The following FGF2 variants were observed in gnomAD, a reference collection of about 807,000 sequenced individuals.
The protein encoded by FGF2 is fibroblast growth factor 2.
FGF2 carries 13 observed loss-of-function variants against 15.9 expected under a neutral mutation model. The observed-to-expected ratio is 0.82, with a 90% CI of 0.53 to 1.30. The LOEUF (loss-of-function observed/expected upper bound fraction) is 1.30. FGF2 is among the 50% of genes most tolerant of loss of function. The pLI is 0.00. For synonymous variants in FGF2, 90 were observed against 78.4 expected (o/e 1.15, Z -0.78); for missense variants, 163 against 196.9 (o/e 0.83, Z 1.03).
At chr4:122,844,515 TTTTC>T (rs1203215959) in intron 1 of FGF2, among the ~76,000 whole-genome samples, 5 of 151,982 alleles carry the variant, frequency 3.3e-5, no homozygotes, top group South Asian at 2.1e-4. Flanking sequence ...TTCCAGAAGG[TTTTC>T]TTTCTTTCTT....
chr4:122,893,227 T>G lies in FGF2; in HGVS notation c.*831T>G. 1 of 1,587,422 alleles carries G rather than the reference T, an allele frequency of 6.3e-7. No individual in the cohort carries two copies. The highest frequency in any genetic ancestry group is 1.4e-5 in the African/African-American group (1 of 73,692). On this transcript the variant is annotated 3_prime_UTR_variant, in exon 3 of 3. Transcript: ENST00000644866. ...AAACTTCTCGAACCGCTGTGTCTCC[T>G]ACGTAAAAAAAGAGATGTACAAATC... is the stretch of plus-strand genomic sequence containing the variant.
chr4:122,834,461 A>C (rs1039821845), intron 1 of FGF2, among the ~76,000 whole-genome samples: 16 of 152,136 alleles, frequency 1.1e-4, no homozygotes, highest in Non-Finnish European at 2.2e-4. Context: ...TATTCCACTT[A>C]AATCATTCTT....
intron 1 of FGF2, among the ~76,000 whole-genome samples, chr4:122,846,398 T>C (rs976015862): frequency 1.3e-5 from 2 of 152,238 alleles, no homozygotes; most frequent in Admixed American, 1.3e-4. Flanking sequence ...CTTTAATTTT[T>C]AAAAATCATA....
rs1202994298 is a variant in FGF2, at chr4:122,838,880, A to G, written c.178+11528A>G. ...TGAATACCATACAGCCATGCACTGC[A>G]TCATGATGTTTCGGTTAATTGCAGA... On this transcript the variant is annotated intron_variant, in intron 1 of 2. Coordinates refer to ENST00000644866, the MANE Select transcript of FGF2 (RefSeq NM_001361665.2). 2.6e-5 allele frequency among the ~76,000 whole-genome samples: 4 copies of G among 152,238 alleles called. No individual in the cohort carries two copies. In the East Asian group the frequency reaches 7.7e-4, roughly 29 times the overall value.
intron 1 of FGF2, among the ~76,000 whole-genome samples, chr4:122,836,124 AG>A (rs1202969521): frequency 6.6e-6 from 1 of 152,182 alleles, no homozygotes; most frequent in East Asian, 1.9e-4. Context: ...TGTAATAGTT[AG>A]TGGTTTATGT....
intron 1 of FGF2, among the ~76,000 whole-genome samples, chr4:122,867,920 A>G (rs1435201794): frequency 1.3e-5 from 2 of 152,236 alleles, no homozygotes; most frequent in East Asian, 1.9e-4. Context: ...ATTGTCAGAT[A>G]TTAATATAGC....
At chr4:122,848,271 A>T (rs1054320427) in intron 1 of FGF2, among the ~76,000 whole-genome samples, 2 of 152,208 alleles carry the variant, frequency 1.3e-5, no homozygotes, top group Non-Finnish European at 2.9e-5. Flanking sequence ...AGTGCCTTCC[A>T]GGGGCACATG....
chr4:122,840,097 G>A (rs1308212728), intron 1 of FGF2, among the ~76,000 whole-genome samples: 4 of 152,070 alleles, frequency 2.6e-5, no homozygotes, highest in Non-Finnish European at 5.9e-5. Context: ...TCATTTTAAC[G>A]TAATCACATC....
chr4:122,847,380 A>G (rs748637090), intron 1 of FGF2, among the ~76,000 whole-genome samples: 5 of 152,156 alleles, frequency 3.3e-5, no homozygotes, highest in Non-Finnish European at 5.9e-5. Flanking sequence ...TGGGAGTGCT[A>G]CAGGTGTATC....
intron 1 of FGF2, among the ~76,000 whole-genome samples, chr4:122,842,965 T>G (rs190111693): frequency 4.9e-4 from 74 of 152,292 alleles, no homozygotes; most frequent in African/African-American, 1.7e-3. Context: ...ATATATTGAT[T>G]AATTTGCTAT....
rs1366259302 is a variant in FGF2, at chr4:122,894,073, C to A, written c.*1677C>A. 1 of 152,206 alleles carries A rather than the reference C, an allele frequency of 6.6e-6. No individual in the cohort carries two copies. Among genetic ancestry groups the A allele is most frequent in the African/African-American group, 2.4e-5 (1 of 41,454 alleles). 9.4% of individuals were successfully genotyped at this position (152,206 alleles called of 1,614,324 possible). On this transcript the variant is annotated 3_prime_UTR_variant, in exon 3 of 3. Transcript: ENST00000644866. ...GAAGTCACAGAAACATGTCTCAATT[C>A]CCATGTGCTGTGACTGTAGACTGTC...
At chr4:122,881,088 AG>A (rs1370337399) in intron 2 of FGF2, among the ~76,000 whole-genome samples, 1 of 152,206 alleles carries the variant, frequency 6.6e-6, no homozygotes, top group Non-Finnish European at 1.5e-5. Context: ...TTTTAGTCAC[AG>A]CTGGAGCAGC....
intron 2 of FGF2, among the ~76,000 whole-genome samples, chr4:122,888,022 A>T (rs1346385322): frequency 6.6e-6 from 1 of 152,220 alleles, no homozygotes; most frequent in East Asian, 1.9e-4. Context: ...GTGCTCAGTA[A>T]ATACTGTCTC....
intron 1 of FGF2, among the ~76,000 whole-genome samples, chr4:122,870,169 C>G (rs755404526): frequency 6.6e-6 from 1 of 152,178 alleles, no homozygotes; most frequent in Non-Finnish European, 1.5e-5. Flanking sequence ...AGCCTTGCAT[C>G]CCAGGGATGA....
chr4:122,854,088 G>A (rs1016045218), intron 1 of FGF2, among the ~76,000 whole-genome samples: 3 of 152,168 alleles, frequency 2.0e-5, no homozygotes, highest in African/African-American at 4.8e-5. Flanking sequence ...CTAGGAACAT[G>A]GGGAAAAGCC....
At chr4:122,885,509 C>A (rs554243941) in intron 2 of FGF2, among the ~76,000 whole-genome samples, 2 of 152,190 alleles carry the variant, frequency 1.3e-5, no homozygotes, top group East Asian at 3.9e-4. Flanking sequence ...TGTGATGGTA[C>A]TTGTAGCCCT....
rs574323747 is a variant in FGF2, at chr4:122,890,087, T to C, written c.283-2124T>C. 9.2e-5 allele frequency: 14 copies of C among 152,268 alleles called. No individual in the cohort carries two copies. In the South Asian group the frequency reaches 2.9e-3, roughly 32 times the overall value. The allele number at this position is 152,268 out of a possible 1,614,324, so 9.4% of individuals were successfully genotyped here. A position where few individuals can be genotyped will look rare whatever the true frequency, so the allele number is the denominator to read the frequency against. On this transcript the variant is annotated intron_variant, in intron 2 of 2. Coordinates refer to ENST00000644866, the MANE Select transcript of FGF2 (RefSeq NM_001361665.2). ...CTGCTTCTATTCTTGATCATAAACCTGGAATAGAGAAAAGGGAAGATTTTT... is the reference window on the plus strand; with the variant it reads ...CTGCTTCTATTCTTGATCATAAACCCGGAATAGAGAAAAGGGAAGATTTTT...
At chr4:122,868,198 C>T (rs1726645855) in intron 1 of FGF2, among the ~76,000 whole-genome samples, 1 of 151,984 alleles carries the variant, frequency 6.6e-6, no homozygotes, top group Non-Finnish European at 1.5e-5. Context: ...ATATGCAGAA[C>T]GTGCACATAG....
At position 122,897,473 on chromosome 4, in the gene FGF2, A is replaced by G. The variant is rs905494591; in HGVS notation, c.*5077A>G. ...AATATTAGAAATTATGCTGCTAATT[A>G]TATCAGCTCTGAGGTAATTTCTGAA... is the stretch of plus-strand genomic sequence containing the variant. On this transcript the variant is annotated 3_prime_UTR_variant, in exon 3 of 3. Transcript: ENST00000644866. 8 of 658,614 alleles carry G rather than the reference A, an allele frequency of 1.2e-5. No individual in the cohort carries two copies. The highest frequency in any genetic ancestry group is 7.4e-5 in the African/African-American group (4 of 54,212). The allele number at this position is 658,614 out of a possible 1,614,324, so 40.8% of individuals were successfully genotyped here. A position where few individuals can be genotyped will look rare whatever the true frequency, so the allele number is the denominator to read the frequency against.
Sources: allele counts gnomAD v4.1 joint callset (sites outside exome capture counted in the v4.1 genomes callset), GRCh38; gene constraint gnomAD v4.1.1; transcripts MANE v1.5; gene names NCBI Gene and HGNC (gene_info 2026-07-23, HGNC 2026-07-21).